Variants in LINC00237 observed in about 807,000 individuals in gnomAD.
LINC00237 encodes the protein long independently transcribed non-coding RNA 237.
At chr20:21,087,131 C>T (rs2030723349) in intron 3 of LINC00237, among the ~76,000 whole-genome samples, 1 of 150,762 alleles carries the variant, frequency 6.6e-6, no homozygotes, top group Non-Finnish European at 1.5e-5. Context: ...GACAGAGAGA[C>T]AGACATAGAG....
At chr20:21,098,353 A>G (rs1014670510) in intron 1 of LINC00237, among the ~76,000 whole-genome samples, 11 of 152,242 alleles carry the variant, frequency 7.2e-5, no homozygotes, top group African/African-American at 2.7e-4. Flanking sequence ...AGCAGTGTCT[A>G]TAGCTCTATG....
intron 1 of LINC00237, among the ~76,000 whole-genome samples, chr20:21,103,555 T>G (rs2030960433): frequency 6.6e-6 from 1 of 152,234 alleles, no homozygotes; most frequent in African/African-American, 2.4e-5. Flanking sequence ...CTGGGTGTTA[T>G]TTAGTGCAAT....
intron 1 of LINC00237, among the ~76,000 whole-genome samples, chr20:21,096,754 C>T (rs1458805811): frequency 6.6e-6 from 1 of 152,150 alleles, no homozygotes; most frequent in African/African-American, 2.4e-5. Context: ...ACAGAAGCAG[C>T]AAAGCAGAAT....
chr20:21,095,668 T>C (rs1366291284), intron 1 of LINC00237, among the ~76,000 whole-genome samples: 6 of 152,204 alleles, frequency 3.9e-5, no homozygotes, highest in Non-Finnish European at 8.8e-5. Context: ...AATAGCTTTA[T>C]TGTGGGAAGG....
rs1171165408 is a variant in LINC00237 at position 21,086,750 on chromosome 20, CTA to C, written n.560-864_560-863del. 3.0e-3 allele frequency among the ~76,000 whole-genome samples: 313 copies of C among 102,994 alleles called. 1 individual carries two copies. Among genetic ancestry groups the C allele is most frequent in the African/African-American group, 0.011 (290 of 27,212 alleles). The allele number at this position is 102,994 out of a possible 152,430, so 67.6% of individuals were successfully genotyped here. ...TATAGTATACTATACTATACATGTA[CTA>C]TATATATACATATACTATACTATAC... On this transcript the variant is annotated intron_variant and non_coding_transcript_variant, in intron 3 of 3. Transcript: ENST00000691244.
chr20:21,100,253 G>A (rs1246706299), intron 1 of LINC00237, among the ~76,000 whole-genome samples: 3 of 152,242 alleles, frequency 2.0e-5, no homozygotes, highest in South Asian at 2.1e-4. Context: ...AGGGGTACAG[G>A]GGGCGGAGGA....
chr20:21,098,679 G>A (rs985563596), intron 1 of LINC00237, among the ~76,000 whole-genome samples: 3 of 152,184 alleles, frequency 2.0e-5, no homozygotes, highest in African/African-American at 7.2e-5. Flanking sequence ...TACTTAGATT[G>A]TCAGCAGTAT....
chr20:21,105,234 ACGCTTTAATTTTCACCCTCC>A (rs1448034323), intron 1 of LINC00237, among the ~76,000 whole-genome samples: 2 of 151,998 alleles, frequency 1.3e-5, no homozygotes, highest in African/African-American at 4.8e-5. Context: ...CCTGGTCAGG[ACGCTTTAATTTTCACCCTCC>A]CGCTCTGGGT....
chr20:21,091,474 G>A (rs2122170569), intron 2 of LINC00237, among the ~76,000 whole-genome samples: 1 of 152,312 alleles, frequency 6.6e-6, no homozygotes, highest in East Asian at 1.9e-4. Flanking sequence ...GAAAAGTGGA[G>A]CCACAGCCTT....
At chr20:21,089,405 G>A (rs1209403522) in intron 2 of LINC00237, among the ~76,000 whole-genome samples, 1 of 151,748 alleles carries the variant, frequency 6.6e-6, no homozygotes, top group Non-Finnish European at 1.5e-5. Context: ...AATTGAAAAA[G>A]GCTTGAAATA....
At chr20:21,096,229 C>G (rs982402037) in intron 1 of LINC00237, among the ~76,000 whole-genome samples, 12 of 152,198 alleles carry the variant, frequency 7.9e-5, no homozygotes, top group African/African-American at 2.9e-4. Flanking sequence ...TCAAACAAAA[C>G]AGAAATTTAT....
chr20:21,098,194 T>C (rs1183227186), intron 1 of LINC00237, among the ~76,000 whole-genome samples: 1 of 152,220 alleles, frequency 6.6e-6, no homozygotes, highest in Non-Finnish European at 1.5e-5. Flanking sequence ...ATTGAAAATG[T>C]TCCATTTAAG....
intron 2 of LINC00237, among the ~76,000 whole-genome samples, chr20:21,090,865 C>G (rs892837773): frequency 6.6e-6 from 1 of 152,144 alleles, no homozygotes; most frequent in Admixed American, 6.5e-5. Flanking sequence ...CAAAGGCCTG[C>G]CCGGAGATGC....
chr20:21,099,859 T>C (rs920356877), intron 1 of LINC00237, among the ~76,000 whole-genome samples: 1 of 152,182 alleles, frequency 6.6e-6, no homozygotes, highest in African/African-American at 2.4e-5. Context: ...AGAAACTATC[T>C]GTATGAGCTG....
intron 1 of LINC00237, among the ~76,000 whole-genome samples, chr20:21,105,279 C>G (rs901178769): frequency 1.3e-5 from 2 of 151,824 alleles, no homozygotes; most frequent in African/African-American, 4.8e-5. Flanking sequence ...ACAACCCCCC[C>G]GTCCCCCGCC....
At chr20:21,104,852 C>T (rs1353921837) in intron 1 of LINC00237, among the ~76,000 whole-genome samples, 1 of 152,142 alleles carries the variant, frequency 6.6e-6, no homozygotes, top group Non-Finnish European at 1.5e-5. Flanking sequence ...GACACACAGG[C>T]GCGTACACAC....
chr20:21,094,778 A>G (rs1246617525), intron 1 of LINC00237, among the ~76,000 whole-genome samples: 1 of 152,172 alleles, frequency 6.6e-6, no homozygotes, highest in East Asian at 1.9e-4. Context: ...GTCTGGGCAC[A>G]ATGGCTTACA....
chr20:21,101,263 G>A lies in LINC00237; in HGVS notation n.88+5008C>T, dbSNP rs575742839. On this transcript the variant is annotated intron_variant and non_coding_transcript_variant, in intron 1 of 3. Transcript: ENST00000691244. The surrounding 1 kb of genome is among the most constrained non-coding windows in gnomAD (Gnocchi z 4.3). ...AAACGCGGCGACGTACAGGGAGCGCGAGCGAGGGAGGGAGCGCCGGCGAGG... is the reference window on the plus strand; with the variant it reads ...AAACGCGGCGACGTACAGGGAGCGCAAGCGAGGGAGGGAGCGCCGGCGAGG... 1 of 151,770 alleles carries A rather than the reference G, an allele frequency of 6.6e-6. No homozygotes were observed. The highest frequency in any genetic ancestry group is 1.5e-5 in the Non-Finnish European group (1 of 67,666). 9.4% of individuals were successfully genotyped at this position (151,770 alleles called of 1,614,324 possible). A position where few individuals can be genotyped will look rare whatever the true frequency, so the allele number is the denominator to read the frequency against.
chr20:21,086,635 CTATAT>C (rs2030702103), intron 3 of LINC00237, among the ~76,000 whole-genome samples: 1 of 68,648 alleles, frequency 1.5e-5, no homozygotes, highest in South Asian at 4.2e-4. Context: ...ATATAGTATA[CTATAT>C]ATAGTATACT....
Sources: gnomAD v4.1 joint callset for allele counts (sites outside exome capture counted in the v4.1 genomes callset) on GRCh38, gnomAD v4.1.1 for gene constraint, Gnocchi (gnomAD v3.1) non-coding constraint, MANE v1.5 for transcripts, NCBI Gene and HGNC (gene_info 2026-07-23, HGNC 2026-07-21) for gene names.